The following SYN3 variants were observed in gnomAD, a reference collection of about 807,000 sequenced individuals.
SYN3 encodes the protein synapsin-3.
SYN3 carries 35 observed loss-of-function variants against 65.8 expected under a neutral mutation model. The ratio of observed to expected loss-of-function variants is 0.53; its 90% CI spans 0.41 to 0.70. The LOEUF is 0.70. Ranked by LOEUF, SYN3 falls within the 30% of genes least tolerant of loss-of-function variation. The probability of loss-of-function intolerance (pLI) is 0.00; values close to 1 mark genes in which losing one functional copy is unlikely to be tolerated. For missense variants in SYN3, 680 were observed against 749.0 expected, an observed-to-expected ratio of 0.91 and a Z score of 1.08; for synonymous variants, 270 against 292.9, an observed-to-expected ratio of 0.92 and a Z score of 0.80.
At chr22:32,923,434 C>A (rs910290411) in intron 4 of SYN3, among the ~76,000 whole-genome samples, 21 of 152,346 alleles carry the variant, frequency 1.4e-4, no homozygotes, top group African/African-American at 4.6e-4. Flanking sequence ...GTTTTACCAG[C>A]CCTCTGGGTA....
At chr22:32,986,092 G>A (rs1048275135) in intron 2 of SYN3, among the ~76,000 whole-genome samples, 2 of 152,060 alleles carry the variant, frequency 1.3e-5, no homozygotes, top group Non-Finnish European at 2.9e-5. Flanking sequence ...TGCTCACTGT[G>A]TCTCCAGTAT....
intron 7 of SYN3, among the ~76,000 whole-genome samples, chr22:32,541,920 A>G (rs2058262553): frequency 6.6e-6 from 1 of 152,148 alleles, no homozygotes; most frequent in African/African-American, 2.4e-5. Flanking sequence ...TTGGGTGGTC[A>G]AGAAAGCTTT....
At chr22:32,526,424 A>C (rs529020117) in intron 12 of SYN3, among the ~76,000 whole-genome samples, 8 of 152,300 alleles carry the variant, frequency 5.3e-5, no homozygotes, top group South Asian at 4.2e-4. Context: ...TTTTTCACAA[A>C]GTAATGAATC....
chr22:32,843,772 C>A (rs1168570556), intron 6 of SYN3, among the ~76,000 whole-genome samples: 1 of 152,134 alleles, frequency 6.6e-6, no homozygotes, highest in Non-Finnish European at 1.5e-5. Context: ...CAGCCCCTTC[C>A]CTGGGACTGA....
At chr22:32,537,885 G>A (rs2058191319) in intron 9 of SYN3, 151 bp downstream of exon 9, 1 of 632,954 alleles carries the variant, frequency 1.6e-6, no homozygotes, top group Non-Finnish European at 2.8e-6. Context: ...GCTGTGGGCA[G>A]TGAAGATGAT....
intron 7 of SYN3, among the ~76,000 whole-genome samples, chr22:32,543,356 A>T (rs988561600): frequency 1.3e-5 from 2 of 152,152 alleles, no homozygotes; most frequent in African/African-American, 4.8e-5. Context: ...TGGACTCCGA[A>T]GGCACAGCTT....
chr22:32,792,451 T>A (rs1238895155), intron 6 of SYN3, among the ~76,000 whole-genome samples: 1 of 152,238 alleles, frequency 6.6e-6, no homozygotes, highest in Non-Finnish European at 1.5e-5. Context: ...GTATATTGCC[T>A]CAATCTCATG....
intron 6 of SYN3, among the ~76,000 whole-genome samples, chr22:32,789,926 T>G (rs1345487620): frequency 1.3e-5 from 2 of 152,202 alleles, no homozygotes; most frequent in African/African-American, 4.8e-5. Context: ...ACAGTGACTA[T>G]TCACTGATTG....
At chr22:32,859,433 C>A in intron 6 of SYN3, 1 of 1,561,754 alleles carries the variant, frequency 6.4e-7, no homozygotes, top group Admixed American at 1.8e-5. Flanking sequence ...TTCCCTTGGA[C>A]ACTAACTCTT....
intron 7 of SYN3, among the ~76,000 whole-genome samples, chr22:32,567,192 A>T (rs1179171824): frequency 6.6e-5 from 10 of 152,170 alleles, no homozygotes; most frequent in Admixed American, 6.5e-4. Flanking sequence ...TAGTAGGAGC[A>T]TGAGATCAGT....
chr22:32,671,299 C>T (rs1052510798), intron 6 of SYN3, among the ~76,000 whole-genome samples: 7 of 151,880 alleles, frequency 4.6e-5, no homozygotes, highest in East Asian at 1.9e-4. Context: ...CTCACAGACA[C>T]GCACACATTC....
chr22:32,885,430 C>T (rs2049260789), intron 4 of SYN3, among the ~76,000 whole-genome samples: 1 of 152,170 alleles, frequency 6.6e-6, no homozygotes, highest in East Asian at 1.9e-4. Flanking sequence ...ACCCTGGTGC[C>T]CCGGGCCATA....
chr22:32,903,535 A>G (rs971133837), intron 4 of SYN3, among the ~76,000 whole-genome samples: 9 of 152,084 alleles, frequency 5.9e-5, no homozygotes, highest in Non-Finnish European at 1.2e-4. Flanking sequence ...GGGGCTTGGG[A>G]AAAGAATTGA....
At chr22:32,658,247 G>A (rs2060169188) in intron 6 of SYN3, among the ~76,000 whole-genome samples, 2 of 152,228 alleles carry the variant, frequency 1.3e-5, no homozygotes, top group South Asian at 4.1e-4. Flanking sequence ...CCAAAGGAAG[G>A]TGGTCGGTGA....
intron 6 of SYN3, among the ~76,000 whole-genome samples, chr22:32,660,506 C>T (rs2413142): frequency 6.6e-6 from 1 of 151,934 alleles, no homozygotes; most frequent in South Asian, 2.1e-4. Flanking sequence ...AGACCACTTC[C>T]TCTCTAATCC....
chr22:32,729,140 C>T (rs1226834927), intron 6 of SYN3, among the ~76,000 whole-genome samples: 1 of 152,216 alleles, frequency 6.6e-6, no homozygotes, highest in Admixed American at 6.5e-5. Flanking sequence ...TGTTAATTGT[C>T]TGTTCCCCCT....
At chr22:32,650,220 TC>T in intron 6 of SYN3, among the ~76,000 whole-genome samples, 1 of 121,320 alleles carries the variant, frequency 8.2e-6, no homozygotes, top group African/African-American at 4.2e-5. Flanking sequence ...TTTCTTTCTC[TC>T]TCTCTCTCTC....
Position 32,509,150 on chromosome 22 carries a change from T to C in SYN3, c.*4542A>G, listed in dbSNP as rs1207079507. On this transcript the variant is annotated 3_prime_UTR_variant, in exon 14 of 14. Transcript: ENST00000358763. ...TACATTTAACCAAAGTACGGTACCA[T>C]TTTATCGCGCTGACGGGAGGAAGAT... 6.6e-6 allele frequency among the ~76,000 whole-genome samples: 1 copy of C among 152,238 alleles called. No individual in the cohort carries two copies. Among genetic ancestry groups the C allele is most frequent in the Admixed American group, 6.5e-5 (1 of 15,282 alleles).
intron 6 of SYN3, among the ~76,000 whole-genome samples, chr22:32,737,886 CT>C (rs1220159507): frequency 6.6e-6 from 1 of 152,138 alleles, no homozygotes; most frequent in East Asian, 1.9e-4. Flanking sequence ...CATTGCTCTG[CT>C]TTTCTGCCAT....
Sources: allele counts gnomAD v4.1 joint callset (sites outside exome capture counted in the v4.1 genomes callset), GRCh38; gene constraint gnomAD v4.1.1; transcripts MANE v1.5; gene names NCBI Gene and HGNC (gene_info 2026-07-23, HGNC 2026-07-21).